DZIP3: variants seen among roughly 807,000 people sequenced by gnomAD.
The protein encoded by DZIP3 is E3 ubiquitin-protein ligase DZIP3.
In DZIP3, 118 loss-of-function variants were observed where a neutral mutation model predicts 162.0. That is an observed-to-expected ratio of 0.73 (90% CI 0.63 to 0.85). The LOEUF (loss-of-function observed/expected upper bound fraction) is 0.85, where lower values mean the gene tolerates loss of function less well. Ranked by LOEUF, DZIP3 falls within the 40% of genes least tolerant of loss-of-function variation. The pLI, the probability that DZIP3 is intolerant of heterozygous loss-of-function variation, is 0.00. For missense variants in DZIP3, 1,331 were observed against 1,407.0 expected (o/e 0.95, Z 0.86); for synonymous variants, 438 against 458.6 (o/e 0.96, Z 0.57).
chr3:108,630,738 CT>C (rs1333260339), intron 8 of DZIP3, among the ~76,000 whole-genome samples: 3 of 151,564 alleles, frequency 2.0e-5, no homozygotes, highest in Non-Finnish European at 4.4e-5. Flanking sequence ...TATTATCTAA[CT>C]TTTTTAGTGA....
intron 21 of DZIP3, among the ~76,000 whole-genome samples, chr3:108,668,814 A>C (rs1457081080): frequency 2.6e-5 from 4 of 151,964 alleles, no homozygotes; most frequent in Admixed American, 2.6e-4. Context: ...AATCCATCCA[A>C]CATTAAAGTC....
intron 9 of DZIP3, among the ~76,000 whole-genome samples, chr3:108,634,497 A>G (rs1230363333): frequency 6.6e-6 from 1 of 152,100 alleles, no homozygotes; most frequent in Non-Finnish European, 1.5e-5. Flanking sequence ...GAGGGGATTC[A>G]GGCAGTAATG....
intron 26 of DZIP3, among the ~76,000 whole-genome samples, chr3:108,680,048 T>C (rs1297632543): frequency 1.3e-5 from 2 of 152,074 alleles, no homozygotes; most frequent in East Asian, 1.9e-4. Flanking sequence ...AAAAACCATA[T>C]GATCATTTCA....
intron 2 of DZIP3, 122 bp downstream of exon 2, chr3:108,605,560 C>A: frequency 2.1e-6 from 2 of 949,854 alleles, no homozygotes; most frequent in Non-Finnish European, 3.2e-6. Context: ...TTCAGATCAT[C>A]AGGCATTAGA....
chr3:108,629,006 A>G, intron 7 of DZIP3, 56 bp from the exon 8 acceptor site: 1 of 1,062,506 alleles, frequency 9.4e-7, no homozygotes, highest in Non-Finnish European at 1.3e-6. Flanking sequence ...CTCATTGGTA[A>G]ACCATGCATC....
chr3:108,639,513 A>C (rs1942295380), intron 12 of DZIP3, among the ~76,000 whole-genome samples: 1 of 152,156 alleles, frequency 6.6e-6, no homozygotes, highest in Admixed American at 6.5e-5. Flanking sequence ...ACGTTGTGGG[A>C]AAGAATTTGG....
intron 21 of DZIP3, among the ~76,000 whole-genome samples, chr3:108,663,268 T>C (rs1241969060): frequency 6.6e-6 from 1 of 152,132 alleles, no homozygotes; most frequent in East Asian, 1.9e-4. Flanking sequence ...TAAGAAACTT[T>C]ACTTTAGGCC....
At position 108,636,692 on chromosome 3, in the gene DZIP3, G is replaced by T. The variant is rs1942163290; in HGVS notation, c.995G>T (p.Gly332Val). The T allele has an allele frequency of 3.8e-6, 6 of 1,576,822 alleles. No homozygotes were observed. The highest frequency in any genetic ancestry group is 5.1e-6 in the Non-Finnish European group (6 of 1,168,334). Reference sequence around the variant, plus strand: ...AGGATGCTGCAATGTGATGTACCTGGAATTGTTAAAATTTTGGTGAGTATC... The same window carrying T: ...AGGATGCTGCAATGTGATGTACCTGTAATTGTTAAAATTTTGGTGAGTATC... ...MVRMLQCDVP[G>V]IVKILFEVVR... Residue 332 changes from glycine to valine, a missense_variant, in exon 11 of 33, where the codon GGA becomes GTA. Transcript: ENST00000361582.
chr3:108,660,383 T>G (rs1218104861), intron 19 of DZIP3, among the ~76,000 whole-genome samples: 3 of 152,094 alleles, frequency 2.0e-5, no homozygotes, highest in Non-Finnish European at 2.9e-5. Context: ...AAACAGAAAT[T>G]GGGAAAGGAT....
chr3:108,625,818 G>A, intron 6 of DZIP3, 27 bp from the exon 7 acceptor site: 1 of 1,550,576 alleles, frequency 6.4e-7, no homozygotes, highest in Non-Finnish European at 8.7e-7. Flanking sequence ...TTTTACAGTA[G>A]CCAAACCTAG....
At chr3:108,625,008 T>C (rs180756656) in intron 6 of DZIP3, among the ~76,000 whole-genome samples, 37 of 152,324 alleles carry the variant, frequency 2.4e-4, no homozygotes, top group African/African-American at 8.2e-4. Context: ...AAATATGACT[T>C]GTTAATTAGA....
intron 21 of DZIP3, among the ~76,000 whole-genome samples, chr3:108,665,609 T>G (rs1201956735): frequency 6.6e-6 from 1 of 152,118 alleles, no homozygotes; most frequent in Non-Finnish European, 1.5e-5. Flanking sequence ...AATTTACAAA[T>G]TCAGAAACTA....
chr3:108,646,694 G>A, intron 15 of DZIP3, 45 bp downstream of exon 15: 1 of 1,319,088 alleles, frequency 7.6e-7, no homozygotes, highest in South Asian at 1.3e-5. Flanking sequence ...TTTTTAACAA[G>A]GGATACCTAT....
At chr3:108,605,264 C>A in intron 1 of DZIP3, 71 bp from the exon 2 acceptor site, 1 of 1,106,770 alleles carries the variant, frequency 9.0e-7, no homozygotes, top group Non-Finnish European at 1.3e-6. Context: ...CAAATGATCA[C>A]GTTCTGTTTT....
intron 5 of DZIP3, 102 bp from the exon 6 acceptor site, chr3:108,624,342 G>T: frequency 1.1e-5 from 7 of 631,828 alleles, no homozygotes; most frequent in Non-Finnish European, 1.4e-5. Flanking sequence ...ATTTTTACTT[G>T]TTTTAATAAT....
intron 4 of DZIP3, among the ~76,000 whole-genome samples, chr3:108,614,400 T>G (rs1219953807): frequency 6.6e-6 from 1 of 152,170 alleles, no homozygotes; most frequent in Non-Finnish European, 1.5e-5. Context: ...CTGGACACAT[T>G]TTTTTCTAGT....
At chr3:108,624,291 T>C (rs1298121635) in intron 5 of DZIP3, among the ~76,000 whole-genome samples, 153 bp from the exon 6 acceptor site, 2 of 145,136 alleles carry the variant, frequency 1.4e-5, no homozygotes, top group South Asian at 2.1e-4. Flanking sequence ...ATATCTAAAA[T>C]ACATTATCGT....
Position 108,661,934 on chromosome 3 carries a change from C to G in DZIP3, c.2257C>G (p.Arg753Gly). Reference sequence around the variant, plus strand: ...AGAAACTGAAAAGGAAAGGCTTGCTCGTCAAAGGCAGCTTTATAAATTGCA... The same window carrying G: ...AGAAACTGAAAAGGAAAGGCTTGCTGGTCAAAGGCAGCTTTATAAATTGCA... ...YGETEKERLARQRQLYKLHYQ... is the reference protein window; with the variant it reads ...YGETEKERLAGQRQLYKLHYQ... The change falls in exon 20 of 33, where the codon CGT (arginine) becomes GGT (glycine). Residue 753 changes from arginine (R) to glycine (G), a missense_variant. Transcript: ENST00000361582. The G allele has an allele frequency of 1.2e-6, 2 of 1,613,878 alleles. No homozygotes were observed. Among genetic ancestry groups the G allele is most frequent in the Non-Finnish European group, 8.5e-7 (1 of 1,179,918 alleles).
intron 21 of DZIP3, among the ~76,000 whole-genome samples, chr3:108,669,135 C>A (rs573592397): frequency 6.6e-6 from 1 of 151,950 alleles, no homozygotes; most frequent in South Asian, 2.1e-4. Flanking sequence ...CCCATTCTTT[C>A]CATGATAAGA....
Sources: allele counts gnomAD v4.1 joint callset (sites outside exome capture counted in the v4.1 genomes callset), GRCh38; gene constraint gnomAD v4.1.1; transcripts MANE v1.5; gene names NCBI Gene and HGNC (gene_info 2026-07-23, HGNC 2026-07-21).